MCFD2: variants seen among roughly 807,000 people sequenced by gnomAD.
MCFD2 encodes multiple coagulation factor deficiency protein 2.
Under a neutral mutation model 12.8 loss-of-function variants are expected in MCFD2, and 11 were observed. The observed-to-expected ratio is 0.86, with a 90% CI of 0.54 to 1.42. The LOEUF is 1.42. Ranked by LOEUF, MCFD2 falls within the 40% of genes most tolerant of loss-of-function variation. MCFD2 has a pLI of 0.00. For synonymous variants in MCFD2, 70 were observed against 68.1 expected, an observed-to-expected ratio of 1.03 and a Z score of -0.14; for missense variants, 191 against 178.6, an observed-to-expected ratio of 1.07 and a Z score of -0.40.
At chr2:46,938,987 G>C (rs1261609188) in intron 1 of MCFD2, among the ~76,000 whole-genome samples, 1 of 150,830 alleles carries the variant, frequency 6.6e-6, no homozygotes, top group Non-Finnish European at 1.5e-5. Context: ...TTCCAGCCTG[G>C]GCAACAGAGC....
Position 46,941,746 on chromosome 2 carries a change from G to C in MCFD2, c.-182C>G. ...CACCGGTGAGTAAGGGAAGAGGCTGGCTCGCCGGCAGCGAGCGCGCGAAAC... is the reference window on the plus strand; with the variant it reads ...CACCGGTGAGTAAGGGAAGAGGCTGCCTCGCCGGCAGCGAGCGCGCGAAAC... On this transcript the variant is annotated 5_prime_UTR_variant, in exon 1 of 3. Transcript: ENST00000409147. This position sits in a 1 kb window ranked among gnomAD's most constrained non-coding sequence, Gnocchi z 4.2. The C allele has an allele frequency of 6.5e-7, 1 of 1,547,826 alleles. No homozygotes were observed. The highest frequency in any genetic ancestry group is 8.7e-7 in the Non-Finnish European group (1 of 1,145,962).
intron 1 of MCFD2, among the ~76,000 whole-genome samples, chr2:46,931,272 G>A (rs1485719977): frequency 6.6e-6 from 1 of 152,180 alleles, no homozygotes; most frequent in Non-Finnish European, 1.5e-5. Context: ...TTTAAATATA[G>A]ACAGGGTCTG....
chr2:46,941,742 G>T lies in MCFD2; in HGVS notation c.-178C>A. ...CGGACACCGGTGAGTAAGGGAAGAG[G>T]CTGGCTCGCCGGCAGCGAGCGCGCG... On this transcript the variant is annotated 5_prime_UTR_variant, in exon 1 of 3. Coordinates refer to the MCFD2 transcript ENST00000409147. This position sits in a 1 kb window ranked among gnomAD's most constrained non-coding sequence, Gnocchi z 4.2. 6.5e-7 allele frequency: 1 copy of T among 1,548,316 alleles called. No individual in the cohort carries two copies. The highest frequency in any genetic ancestry group is 8.7e-7 in the Non-Finnish European group (1 of 1,146,190).
intron 1 of MCFD2, chr2:46,914,019 T>C (rs952985033): frequency 6.6e-6 from 1 of 152,596 alleles, no homozygotes; most frequent in African/African-American, 2.4e-5. Context: ...TTTTTCTCTT[T>C]TCCTCCCTCT....
At chr2:46,922,896 C>A (rs1669179731) in intron 1 of MCFD2, among the ~76,000 whole-genome samples, 1 of 152,340 alleles carries the variant, frequency 6.6e-6, no homozygotes, top group East Asian at 1.9e-4. Flanking sequence ...CCCTCTCTTT[C>A]CCACCAGTCG....
intron 1 of MCFD2, among the ~76,000 whole-genome samples, chr2:46,927,418 G>A (rs534174708): frequency 4.7e-5 from 7 of 148,486 alleles, no homozygotes; most frequent in East Asian, 4.0e-4. Context: ...GTGCAGTGGC[G>A]TGATCTCGGC....
At chr2:46,929,171 GAAAAC>G (rs145086504) in intron 1 of MCFD2, among the ~76,000 whole-genome samples, 8,272 of 151,974 alleles carry the variant, frequency 0.054, 356 homozygotes, top group African/African-American at 0.11. Flanking sequence ...CCCAAAAAAA[GAAAAC>G]AAAACAAAAC....
Position 46,905,520 on chromosome 2 carries a change from A to G in MCFD2, c.384T>C (p.Asp128=), listed in dbSNP as rs769498395. The part of the protein sequence containing the change: ...INIIDGVLRD[D]DKNNDGYIDY... ...CAATGTATCCATCATTGTTCTTGTC[A>G]TCATCTCTCAAAACACCATCTATTA... Residue 128 remains aspartate, a synonymous_variant, in exon 4 of 4, where the codon GAT becomes GAC. Coordinates refer to ENST00000319466, the MANE Select transcript of MCFD2 (RefSeq NM_139279.6). The G allele has an allele frequency of 1.9e-6, 3 of 1,613,624 alleles. No homozygotes were observed. Among genetic ancestry groups the G allele is most frequent in the Non-Finnish European group, 2.5e-6 (3 of 1,179,820 alleles).
chr2:46,935,638 A>G (rs1378755268), intron 1 of MCFD2, among the ~76,000 whole-genome samples: 1 of 152,208 alleles, frequency 6.6e-6, no homozygotes, highest in Non-Finnish European at 1.5e-5. Context: ...TGAGGCCCGC[A>G]GTGATCCAAC....
At chr2:46,923,844 T>A (rs1208457448) in intron 1 of MCFD2, among the ~76,000 whole-genome samples, 1 of 152,058 alleles carries the variant, frequency 6.6e-6, no homozygotes, top group Non-Finnish European at 1.5e-5. Context: ...GCAAATCTCT[T>A]GCCTCAGCCT....
intron 1 of MCFD2, among the ~76,000 whole-genome samples, chr2:46,932,153 CTTT>C (rs1173541336): frequency 2.1e-5 from 3 of 144,100 alleles, no homozygotes; most frequent in Non-Finnish European, 1.5e-5. Context: ...TTCTGGGATT[CTTT>C]TTTTTTTTTT....
chr2:46,917,047 A>G, upstream of MCFD2: 1 of 611,388 alleles, frequency 1.6e-6, no homozygotes, highest in Non-Finnish European at 2.9e-6. Context: ...CTAAGTAGTT[A>G]GATGCCTTGA....
chr2:46,935,562 T>C (rs1377673411), intron 1 of MCFD2, among the ~76,000 whole-genome samples: 2 of 152,196 alleles, frequency 1.3e-5, no homozygotes, highest in Non-Finnish European at 2.9e-5. Context: ...ATCACAAAAA[T>C]TGTCTTGATG....
intron 1 of MCFD2, among the ~76,000 whole-genome samples, chr2:46,921,298 G>A (rs1669089974): frequency 6.6e-6 from 1 of 152,162 alleles, no homozygotes; most frequent in Non-Finnish European, 1.5e-5. Context: ...AGCTACTAGA[G>A]CTATTGATTT....
At chr2:46,919,666 G>A (rs1292380633), upstream of MCFD2, among the ~76,000 whole-genome samples, 1 of 152,240 alleles carries the variant, frequency 6.6e-6, no homozygotes, top group African/African-American at 2.4e-5. Context: ...GTCTCTTGCT[G>A]TTGGGCCCTG....
intron 1 of MCFD2, among the ~76,000 whole-genome samples, chr2:46,915,259 A>G (rs747837672): frequency 1.3e-5 from 2 of 152,318 alleles, no homozygotes; most frequent in Non-Finnish European, 1.5e-5. Flanking sequence ...ATGATGCCCA[A>G]TTCTGGCTTG....
At chr2:46,915,198 A>T (rs1258720507) in intron 1 of MCFD2, among the ~76,000 whole-genome samples, 1 of 152,220 alleles carries the variant, frequency 6.6e-6, no homozygotes, top group Non-Finnish European at 1.5e-5. Flanking sequence ...TATCCAAGAC[A>T]ACTTTGCAAG....
intron 1 of MCFD2, among the ~76,000 whole-genome samples, chr2:46,931,256 T>A (rs1046514729): frequency 2.6e-5 from 4 of 152,160 alleles, no homozygotes; most frequent in African/African-American, 7.2e-5. Flanking sequence ...TTAAAAAAAA[T>A]TTTCTTTTAA....
rs1356734352 is a variant in MCFD2, at chr2:46,909,187, G to A, written c.-6-10C>T. ...TCATGGTCATCAATATCTGTGAGAT[G>A]GGAAACACAGAAGAGGAAGGCAGAG... On this transcript the variant is annotated splice_polypyrimidine_tract_variant and intron_variant, in intron 1 of 3. Transcript: ENST00000319466. 2 of 1,611,480 alleles carry A rather than the reference G, an allele frequency of 1.2e-6. No individual in the cohort carries two copies. Among genetic ancestry groups the A allele is most frequent in the Non-Finnish European group, 1.7e-6 (2 of 1,178,696 alleles).
Sources: allele counts gnomAD v4.1 joint callset (sites outside exome capture counted in the v4.1 genomes callset), GRCh38; gene constraint gnomAD v4.1.1; non-coding constraint Gnocchi (gnomAD v3.1); transcripts MANE v1.5; gene names NCBI Gene and HGNC (gene_info 2026-07-23, HGNC 2026-07-21).